CCDC125: variants seen among roughly 807,000 people sequenced by gnomAD.
CCDC125 encodes coiled-coil domain containing 125.
Under a neutral mutation model 57.4 loss-of-function variants are expected in CCDC125, and 43 were observed. The ratio of observed to expected loss-of-function variants is 0.75; its 90% confidence interval spans 0.59 to 0.97. The LOEUF (loss-of-function observed/expected upper bound fraction) is 0.97. Ranked by LOEUF, CCDC125 falls within the 50% of genes least tolerant of loss-of-function variation. The pLI, the probability that CCDC125 is intolerant of heterozygous loss-of-function variation, is 0.00. For synonymous variants in CCDC125, 187 were observed against 195.2 expected (o/e 0.96, Z 0.35); for missense variants, 563 against 595.7 (o/e 0.95, Z 0.57).
intron 2 of CCDC125, among the ~76,000 whole-genome samples, chr5:69,315,095 A>C (rs138681713): frequency 6.6e-6 from 1 of 151,734 alleles, no homozygotes; most frequent in Admixed American, 6.6e-5. Flanking sequence ...ATCTCTACTA[A>C]AAACACAAAA....
intron 10 of CCDC125, among the ~76,000 whole-genome samples, chr5:69,288,534 G>A (rs942779949): frequency 4.6e-5 from 7 of 152,134 alleles, no homozygotes; most frequent in East Asian, 1.9e-4. Flanking sequence ...CCCTTCCCAC[G>A]TGCCTTGCCC....
chr5:69,328,913 C>T (rs2150682905), intron 1 of CCDC125, among the ~76,000 whole-genome samples: 1 of 152,108 alleles, frequency 6.6e-6, no homozygotes, highest in South Asian at 2.1e-4. Flanking sequence ...CCTGCCTCAG[C>T]CTCCTGAGTA....
intron 1 of CCDC125, among the ~76,000 whole-genome samples, chr5:69,325,876 C>T (rs1392379287): frequency 6.8e-6 from 1 of 147,254 alleles, no homozygotes; most frequent in Non-Finnish European, 1.5e-5. Context: ...CACTCTGTTG[C>T]TCATTGCTTA....
intron 1 of CCDC125, among the ~76,000 whole-genome samples, chr5:69,328,464 G>A (rs1760997686): frequency 6.6e-6 from 1 of 151,594 alleles, no homozygotes; most frequent in Non-Finnish European, 1.5e-5. Flanking sequence ...GGCAACAAGA[G>A]TGAAACCCCA....
chr5:69,286,094 G>A (rs970527131), intron 10 of CCDC125, among the ~76,000 whole-genome samples: 1 of 149,052 alleles, frequency 6.7e-6, no homozygotes, highest in Non-Finnish European at 1.5e-5. Flanking sequence ...TCTCTGTAAA[G>A]AAAGATGAAA....
At chr5:69,306,769 A>C in intron 6 of CCDC125, 48 bp downstream of exon 6, 2 of 1,347,490 alleles carry the variant, frequency 1.5e-6, no homozygotes, top group Non-Finnish European at 1.9e-6. Context: ...TTTGAATTAC[A>C]TAGATTTTAA....
In CCDC125 at chr5:69,320,261, T is replaced by C. The variant is rs895841353; in HGVS notation, c.280A>G (p.Asn94Asp). ...CCAGTGCTACTTTGTCGTCTGTAAT[T>C]GGAAATTCTGGACACTTGAGGGAAT... ...DTFPQVSRISNYRRQSSTVDS... is the reference protein window; with the variant it reads ...DTFPQVSRISDYRRQSSTVDS... The change falls in exon 2 of 12, where the codon AAT becomes GAT. Residue 94 changes from asparagine (N) to aspartate (D), a missense_variant. Physicochemically the swap from Asn to Asp is conservative, Grantham distance 23 (BLOSUM62 1). Transcript: ENST00000396496. The C allele has an allele frequency of 3.7e-6, 6 of 1,613,714 alleles. No homozygotes were observed. Among genetic ancestry groups the C allele is most frequent in the Non-Finnish European group, 5.1e-6 (6 of 1,179,874 alleles).
chr5:69,327,133 C>T lies in CCDC125; in HGVS notation c.-41+5516G>A, dbSNP rs182234726. Among the ~76,000 whole-genome samples the T allele has an allele frequency of 3.6e-3, 527 of 148,276 alleles. 6 individuals are homozygous for T. The highest frequency in any genetic ancestry group is 0.013 in the African/African-American group (507 of 39,940). ...TTTTTGAGACAGCGTCTTGCTCTGT[C>T]GCCCAGGCTGGAGTGCCCTGGCGAG... On this transcript the variant is annotated intron_variant, in intron 1 of 11. Coordinates refer to ENST00000396496, the MANE Select transcript of CCDC125 (RefSeq NM_176816.5).
intron 2 of CCDC125, among the ~76,000 whole-genome samples, chr5:69,315,356 A>G (rs935324256): frequency 2.7e-5 from 4 of 149,444 alleles, no homozygotes; most frequent in African/African-American, 9.9e-5. Flanking sequence ...TGAGGTCAGG[A>G]GTTTAAGACC....
At chr5:69,331,415 A>G (rs1292878199) in intron 1 of CCDC125, among the ~76,000 whole-genome samples, 1 of 151,782 alleles carries the variant, frequency 6.6e-6, no homozygotes, top group Non-Finnish European at 1.5e-5. Context: ...GTATTTTTGT[A>G]GAGACGGGGT....
intron 7 of CCDC125, 89 bp downstream of exon 7, chr5:69,303,758 C>T (rs1177905305): frequency 1.3e-5 from 9 of 701,294 alleles, no homozygotes; most frequent in Non-Finnish European, 1.9e-5. Context: ...ACATTTCTCC[C>T]CTCTATTATA....
rs572138842 is a variant in CCDC125 at position 69,283,833 on chromosome 5, A to G, written c.1231-799T>C. Among the ~76,000 whole-genome samples, 4 of 148,676 alleles carry G rather than the reference A, an allele frequency of 2.7e-5. No homozygotes were observed. The East Asian group carries it at 7.9e-4, about 29-fold the overall frequency. On this transcript the variant is annotated intron_variant, in intron 11 of 11. Coordinates refer to ENST00000396496, the MANE Select transcript of CCDC125 (RefSeq NM_176816.5). ...GAGACAGAGTCTCGCTCTGTCACCC[A>G]GGTTGGAGTGCAGTTGCATGATCTT...
At chr5:69,309,191 T>C (rs374603468) in intron 4 of CCDC125, 1 of 152,246 alleles carries the variant, frequency 6.6e-6, no homozygotes, top group Non-Finnish European at 1.5e-5. Flanking sequence ...CTGCAGATAT[T>C]TGCATAAGTA....
chr5:69,273,311 G>C, the CCDC125 span, among the ~76,000 whole-genome samples: 1 of 144,406 alleles, frequency 6.9e-6, no homozygotes, highest in Non-Finnish European at 1.5e-5. Flanking sequence ...CACATAATTG[G>C]CTTGTAAATA....
chr5:69,296,008 C>T (rs755762290), intron 8 of CCDC125, among the ~76,000 whole-genome samples: 1 of 151,800 alleles, frequency 6.6e-6, no homozygotes, highest in Admixed American at 6.6e-5. Flanking sequence ...CTCAGCCTCC[C>T]GAGTAGCTGG....
In CCDC125 at chr5:69,294,824, G is replaced by C. The variant is rs1755055546; in HGVS notation, c.893C>G (p.Thr298Ser). ...TTTGAGCTGAAGAAGCAGTTTCCGA[G>C]TGGATGCTGCCATTCTGGCACAAGA... ...PCSCARMAASTRKLLLQLKQE... is the reference protein window; with the variant it reads ...PCSCARMAASSRKLLLQLKQE... Residue 298 changes from threonine (T) to serine (S), a missense_variant, in exon 9 of 12, where the codon ACT becomes AGT. Transcript: ENST00000396496. 6.2e-7 allele frequency: 1 copy of C among 1,614,140 alleles called. No homozygotes were observed. The highest frequency in any genetic ancestry group is 2.2e-5 in the East Asian group (1 of 44,884).
downstream of CCDC125, among the ~76,000 whole-genome samples, chr5:69,275,215 T>G (rs927214994): frequency 3.3e-5 from 5 of 152,174 alleles, no homozygotes; most frequent in Non-Finnish European, 7.3e-5. Context: ...TTATAGAACA[T>G]TGGCCTGGTA....
rs769651094 is a variant in CCDC125 at position 69,308,063 on chromosome 5, A to G, written c.454-35T>C. The G allele has an allele frequency of 4.9e-6, 7 of 1,427,656 alleles. No homozygotes were observed. In the Admixed American group the frequency reaches 1.2e-4, roughly 24 times the overall value. The allele number at this position is 1,427,656 out of a possible 1,614,324, so 88.4% of individuals were successfully genotyped here. A position where few individuals can be genotyped will look rare whatever the true frequency, so the allele number is the denominator to read the frequency against. ...ATAAAACTAGCATCAGTATAAATTA[A>G]ATTTGTAATCACTCCTATGTACATC... On this transcript the variant is annotated intron_variant, in intron 4 of 11. Transcript: ENST00000396496.
At chr5:69,276,481 A>G, downstream of CCDC125, 1 of 1,476,068 alleles carries the variant, frequency 6.8e-7, no homozygotes, top group Non-Finnish European at 9.4e-7. Flanking sequence ...TGAAGGTAAG[A>G]TTTTCCTTAA....
Sources: gnomAD v4.1 joint callset for allele counts (sites outside exome capture counted in the v4.1 genomes callset) on GRCh38, gnomAD v4.1.1 for gene constraint, MANE v1.5 for transcripts, NCBI Gene and HGNC (gene_info 2026-07-23, HGNC 2026-07-21) for gene names.